The following GRIK4 variants were observed in gnomAD, a reference collection of about 807,000 sequenced individuals.
GRIK4 encodes glutamate receptor ionotropic, kainate 4.
GRIK4 carries 40 observed loss-of-function variants against 104.9 expected under a neutral mutation model. That is an observed-to-expected ratio of 0.38 (90% CI 0.30 to 0.50). GRIK4 has a LOEUF of 0.50. Ranked by LOEUF, GRIK4 falls within the 20% of genes least tolerant of loss-of-function variation. The pLI is 0.93. For synonymous variants in GRIK4, 485 were observed against 524.9 expected, an observed-to-expected ratio of 0.92 and a Z score of 1.04; for missense variants, 1,047 against 1,308.1, an observed-to-expected ratio of 0.80 and a Z score of 3.08.
At chr11:120,568,969 C>T (rs569867057) in intron 1 of GRIK4, among the ~76,000 whole-genome samples, 2 of 152,344 alleles carry the variant, frequency 1.3e-5, no homozygotes, top group Admixed American at 6.5e-5. Flanking sequence ...TTAAGCCTCT[C>T]TAATGTGCCC....
At position 120,987,951 on chromosome 11, in the gene GRIK4, C is replaced by T. The variant is rs1324924018; in HGVS notation, c.*1691C>T. 6.5e-6 allele frequency: 1 copy of T among 153,258 alleles called. No individual in the cohort carries two copies. The highest frequency in any genetic ancestry group is 1.9e-4 in the East Asian group (1 of 5,190). The allele number at this position is 153,258 out of a possible 1,614,324, so 9.5% of individuals were successfully genotyped here. On this transcript the variant is annotated 3_prime_UTR_variant, in exon 21 of 21. Coordinates refer to ENST00000527524, the MANE Select transcript of GRIK4 (RefSeq NM_014619.5). ...CCACCTCCACCACCGCTGCCACCAC[C>T]TTGAATGGAATTGTCCTCACTTTTG...
intron 1 of GRIK4, among the ~76,000 whole-genome samples, chr11:120,557,573 C>G (rs1948199578): frequency 6.6e-6 from 1 of 152,208 alleles, no homozygotes; most frequent in Non-Finnish European, 1.5e-5. Flanking sequence ...GCCCTGAGCC[C>G]ATTCATCATG....
chr11:120,841,891 G>A (rs1953726627), intron 8 of GRIK4, among the ~76,000 whole-genome samples: 2 of 152,212 alleles, frequency 1.3e-5, no homozygotes, highest in African/African-American at 4.8e-5. Flanking sequence ...CGTGACTGAA[G>A]TTGAGAGTCC....
intron 1 of GRIK4, among the ~76,000 whole-genome samples, chr11:120,567,291 C>T (rs554095606): frequency 6.6e-6 from 1 of 152,072 alleles, no homozygotes; most frequent in Non-Finnish European, 1.5e-5. Flanking sequence ...TCCCAAATAG[C>T]TGGGAATGCA....
At chr11:120,646,200 A>G (rs988670808) in intron 1 of GRIK4, among the ~76,000 whole-genome samples, 1 of 152,268 alleles carries the variant, frequency 6.6e-6, no homozygotes, top group African/African-American at 2.4e-5. Context: ...AATCACAATA[A>G]CAGCTGTCAA....
At chr11:120,725,214 C>A (rs1167426622) in intron 3 of GRIK4, among the ~76,000 whole-genome samples, 1 of 152,190 alleles carries the variant, frequency 6.6e-6, no homozygotes, top group Non-Finnish European at 1.5e-5. Context: ...CAAGAGTTAG[C>A]TGGTCTCCAT....
chr11:120,726,825 C>T (rs961647862), intron 3 of GRIK4, among the ~76,000 whole-genome samples: 11 of 152,212 alleles, frequency 7.2e-5, no homozygotes, highest in African/African-American at 2.6e-4. Context: ...GTGGTGGCAG[C>T]ATGGTTTGTG....
chr11:120,972,655 A>G (rs1280959219), intron 19 of GRIK4, among the ~76,000 whole-genome samples: 2 of 152,160 alleles, frequency 1.3e-5, no homozygotes, highest in African/African-American at 2.4e-5. Context: ...CCCTTCTGGG[A>G]GCCGGAGAGA....
At chr11:120,701,581 A>C (rs1432309840) in intron 3 of GRIK4, among the ~76,000 whole-genome samples, 1 of 152,224 alleles carries the variant, frequency 6.6e-6, no homozygotes, top group South Asian at 2.1e-4. Context: ...TGGAGTGAAC[A>C]TAGGAGTGTG....
At chr11:120,985,579 C>T (rs1412716544) in intron 20 of GRIK4, among the ~76,000 whole-genome samples, 1 of 138,868 alleles carries the variant, frequency 7.2e-6, no homozygotes, top group Non-Finnish European at 1.5e-5. Flanking sequence ...ATTTCAGGGA[C>T]AGAAATTGTT....
chr11:120,543,819 G>T (rs571178640), intron 1 of GRIK4, among the ~76,000 whole-genome samples: 10 of 152,310 alleles, frequency 6.6e-5, no homozygotes, highest in African/African-American at 2.4e-4. Flanking sequence ...TAAAGAAGAA[G>T]ATCCTACCTT....
intron 19 of GRIK4, among the ~76,000 whole-genome samples, chr11:120,970,460 C>A (rs1396381817): frequency 6.6e-6 from 1 of 152,216 alleles, no homozygotes; most frequent in East Asian, 1.9e-4. Flanking sequence ...CATTTGATCT[C>A]TTGAGCCTTT....
intron 1 of GRIK4, among the ~76,000 whole-genome samples, chr11:120,604,171 CAAAAAAAA>C (rs59469495): frequency 3.9e-5 from 2 of 51,810 alleles, no homozygotes; most frequent in East Asian, 8.1e-4. Flanking sequence ...GACTCCTTCT[CAAAAAAAA>C]AAAAAAAAAA....
chr11:120,832,808 A>G lies in GRIK4; in HGVS notation c.690+778A>G, dbSNP rs181160848. Among the ~76,000 whole-genome samples, 318 of 152,276 alleles carry G rather than the reference A, an allele frequency of 2.1e-3. 1 individual carries two copies. Among genetic ancestry groups the G allele is most frequent in the Admixed American group, 6.9e-3 (106 of 15,296 alleles). ...AGCCTAGGGGCCCCACACAGGACAAACTGCTGGAAATAGCTGGGTAGCATC... is the reference window on the plus strand; with the variant it reads ...AGCCTAGGGGCCCCACACAGGACAAGCTGCTGGAAATAGCTGGGTAGCATC... On this transcript the variant is annotated intron_variant, in intron 7 of 20. Transcript: ENST00000527524.
chr11:120,833,924 GC>G (rs1196642066), intron 7 of GRIK4, among the ~76,000 whole-genome samples: 2 of 152,020 alleles, frequency 1.3e-5, no homozygotes, highest in African/African-American at 4.8e-5. Context: ...TATTTTAATG[GC>G]TGCCTCATTT....
intron 6 of GRIK4, among the ~76,000 whole-genome samples, chr11:120,826,931 C>T (rs926963167): frequency 1.3e-5 from 2 of 152,298 alleles, no homozygotes; most frequent in Non-Finnish European, 2.9e-5. Context: ...GTCCGACAAC[C>T]GCACACCCTG....
At chr11:120,901,793 G>A (rs542140897) in intron 12 of GRIK4, among the ~76,000 whole-genome samples, 1 of 152,358 alleles carries the variant, frequency 6.6e-6, no homozygotes, top group African/African-American at 2.4e-5. Flanking sequence ...GCTACGCCAA[G>A]TCCACAGGGT....
intron 19 of GRIK4, among the ~76,000 whole-genome samples, chr11:120,970,300 G>T (rs1294498348): frequency 1.3e-5 from 2 of 152,154 alleles, no homozygotes; most frequent in Middle Eastern, 3.2e-3. Context: ...CACAGGAGTG[G>T]CCAGGGGCAG....
chr11:120,784,830 A>G (rs1952231254), intron 3 of GRIK4, among the ~76,000 whole-genome samples: 1 of 151,758 alleles, frequency 6.6e-6, no homozygotes, highest in Non-Finnish European at 1.5e-5. Context: ...TTCATCCATG[A>G]GTCTTTGAGA....
Sources: allele counts gnomAD v4.1 joint callset (sites outside exome capture counted in the v4.1 genomes callset), GRCh38; gene constraint gnomAD v4.1.1; transcripts MANE v1.5; gene names NCBI Gene and HGNC (gene_info 2026-07-23, HGNC 2026-07-21).